Variants in MEI1 observed in about 807,000 individuals in gnomAD.
The protein encoded by MEI1 is meiotic double-stranded break formation protein 1.
MEI1 carries 103 observed loss-of-function variants against 146.2 expected under a neutral mutation model. The ratio of observed to expected loss-of-function variants is 0.70; its 90% CI spans 0.60 to 0.83. The LOEUF is 0.83. MEI1 is among the 40% of genes least tolerant of loss of function. The pLI, the probability that MEI1 is intolerant of heterozygous loss-of-function variation, is 0.00. For synonymous variants in MEI1, 652 were observed against 628.2 expected (o/e 1.04, Z -0.57); for missense variants, 1,529 against 1,533.0 (o/e 1.00, Z 0.04).
chr22:41,723,943 G>A lies in MEI1; in HGVS notation c.734G>A (p.Gly245Asp). ...ACTTCCCAATCCCTTTGTTTCCTAGGTTTGCTGAGGCAGCTGTTGAAGTAT... is the reference window on the plus strand; with the variant it reads ...ACTTCCCAATCCCTTTGTTTCCTAGATTTGCTGAGGCAGCTGTTGAAGTAT... The part of the protein sequence containing the change: ...QTKELQINCL[G>D]LLRQLLKYDL... The change falls in exon 7 of 31, where the codon GGT becomes GAT. Residue 245 changes from glycine to aspartate, a missense_variant and splice_region_variant. Coordinates refer to ENST00000401548, the MANE Select transcript of MEI1 (RefSeq NM_152513.4). 6.3e-7 allele frequency: 1 copy of A among 1,594,974 alleles called. No individual in the cohort carries two copies.
At chr22:41,786,439 C>G (rs966576843) in intron 26 of MEI1, among the ~76,000 whole-genome samples, 1 of 152,234 alleles carries the variant, frequency 6.6e-6, no homozygotes, top group Non-Finnish European at 1.5e-5. Context: ...TCAGGCACAG[C>G]TGGATCCCAG....
At position 41,714,065 on chromosome 22, in the gene MEI1, G is replaced by A; in HGVS notation, c.413G>A (p.Cys138Tyr). Residue 138 changes from cysteine to tyrosine, a missense_variant, in exon 4 of 31, where the codon TGC becomes TAC. Cys to Tyr is a radical substitution (Grantham distance 194). Around this residue, in one of 3 missense-constraint regions of MEI1, gnomAD observed 1,212 missense variants for 1,178.9 expected, o/e 1.03. Coordinates refer to ENST00000401548, the MANE Select transcript of MEI1 (RefSeq NM_152513.4). Reference sequence around the variant, plus strand: ...ACTATCCGTTGCCTGCTGGATGAGTGCCACAAAGAGGTCAGAAAATAGCTA... The same window carrying A: ...ACTATCCGTTGCCTGCTGGATGAGTACCACAAAGAGGTCAGAAAATAGCTA... ...EQTIRCLLDE[C>Y]HKELCNMPSM... 6.3e-7 allele frequency: 1 copy of A among 1,598,228 alleles called. No homozygotes were observed. The highest frequency in any genetic ancestry group is 8.5e-7 in the Non-Finnish European group (1 of 1,172,272).
At chr22:41,726,786 T>G (rs1456491560) in intron 7 of MEI1, among the ~76,000 whole-genome samples, 1 of 152,052 alleles carries the variant, frequency 6.6e-6, no homozygotes, top group Non-Finnish European at 1.5e-5. Flanking sequence ...TTCTTTTTTT[T>G]TTTTTGAGAT....
At chr22:41,730,824 G>T (rs746844132) in intron 9 of MEI1, among the ~76,000 whole-genome samples, 187 bp downstream of exon 9, 2 of 152,092 alleles carry the variant, frequency 1.3e-5, no homozygotes, top group Non-Finnish European at 2.9e-5. Flanking sequence ...TCTGCTGTTC[G>T]CTGATTATCG....
intron 22 of MEI1, among the ~76,000 whole-genome samples, chr22:41,780,268 G>A (rs760573834): frequency 1.9e-4 from 29 of 152,202 alleles, no homozygotes; most frequent in Non-Finnish European, 7.4e-5. Context: ...GAGAGTAGAG[G>A]ACTGTGGTTC....
intron 9 of MEI1, among the ~76,000 whole-genome samples, chr22:41,731,891 T>C (rs1490547193): frequency 6.6e-6 from 1 of 152,174 alleles, no homozygotes; most frequent in Non-Finnish European, 1.5e-5. Context: ...TTCACAGCTC[T>C]GAATGGATCA....
chr22:41,723,254 C>T (rs1025849120), intron 6 of MEI1, among the ~76,000 whole-genome samples: 15 of 151,952 alleles, frequency 9.9e-5, no homozygotes, highest in African/African-American at 3.6e-4. Flanking sequence ...ACTCTGTCAC[C>T]CAGGGTGGAG....
chr22:41,756,144 T>G (rs1173920521), intron 17 of MEI1, among the ~76,000 whole-genome samples: 1 of 152,138 alleles, frequency 6.6e-6, no homozygotes, highest in African/African-American at 2.4e-5. Context: ...GTTTTTTTGT[T>G]TGTTTTGTTT....
At chr22:41,798,061 C>G (rs2076423351) in intron 30 of MEI1, among the ~76,000 whole-genome samples, 1 of 151,810 alleles carries the variant, frequency 6.6e-6, no homozygotes, top group Admixed American at 6.6e-5. Context: ...GTCCTTCCCC[C>G]ATGAGCTTTG....
At chr22:41,764,439 C>A (rs1398389144) in intron 19 of MEI1, among the ~76,000 whole-genome samples, 1 of 152,134 alleles carries the variant, frequency 6.6e-6, no homozygotes, top group African/African-American at 2.4e-5. Flanking sequence ...TACTTGAAAA[C>A]CCATTCACTT....
intron 11 of MEI1, among the ~76,000 whole-genome samples, chr22:41,741,197 G>A (rs2072834642): frequency 6.6e-6 from 1 of 152,176 alleles, no homozygotes; most frequent in Admixed American, 6.5e-5. Context: ...GGCTGTGGGT[G>A]GGACAAGCTT....
In MEI1 at chr22:41,746,012, A is replaced by G. The variant is rs753638726; in HGVS notation, c.1666A>G (p.Ile556Val). The G allele has an allele frequency of 1.9e-6, 3 of 1,603,456 alleles. No individual in the cohort carries two copies. Among genetic ancestry groups the G allele is most frequent in the Non-Finnish European group, 2.6e-6 (3 of 1,174,458 alleles). Reference protein sequence around the residue: ...FLLSACDSLCIPMVMRHLEQT... With the variant: ...FLLSACDSLCVPMVMRHLEQT... ...TCTCAGTGCCTGTGACTCGCTGTGT[A>G]TCCCCATGGTGATGGTGGGTTCTCC... Residue 556 changes from isoleucine (I) to valine (V), a missense_variant, in exon 14 of 31, where the codon ATC becomes GTC. Ile to Val is a conservative substitution (Grantham distance 29). Around this residue, in one of 3 missense-constraint regions of MEI1, gnomAD observed 1,212 missense variants for 1,178.9 expected, o/e 1.03. Coordinates refer to ENST00000401548, the MANE Select transcript of MEI1 (RefSeq NM_152513.4).
At position 41,794,395 on chromosome 22, in the gene MEI1, G is replaced by A. The variant is rs749779829; in HGVS notation, c.3452G>A (p.Trp1151Ter). ...GCTCTCCACGTGGCCTCCCAGCCTT[G>A]GAATCGGTTTTTGCTGTTTACCCTC... ...DIALHVASQP[W>*]NRFLLFTLLD... Residue 1151 changes from tryptophan to a stop codon, truncating the protein, a stop_gained, in exon 28 of 31, where the codon TGG becomes TAG. Coordinates refer to ENST00000401548, the MANE Select transcript of MEI1 (RefSeq NM_152513.4). LOFTEE classifies it high-confidence loss of function. 7 of 1,613,858 alleles carry A rather than the reference G, an allele frequency of 4.3e-6. No homozygotes were observed. The Admixed American group carries it at 8.3e-5, about 19-fold the overall frequency.
intron 30 of MEI1, 124 bp from the exon 31 acceptor site, chr22:41,799,130 C>A (rs897821184): frequency 1.2e-6 from 1 of 816,074 alleles, no homozygotes; most frequent in Non-Finnish European, 2.0e-6. Flanking sequence ...GAATCCATCC[C>A]ACTATTCTCA....
rs771729569 is a variant in MEI1 at position 41,732,567 on chromosome 22, C to T, written c.1295C>T (p.Ala432Val). 7.9e-5 allele frequency: 128 copies of T among 1,613,680 alleles called. No individual in the cohort carries two copies. The highest frequency in any genetic ancestry group is 3.1e-5 in the Non-Finnish European group (37 of 1,179,844). ...EAVSSPVLEV[A>V]AEALKATSAF... ...GTTAGCAGCCCTGTGCTGGAGGTGGCTGCTGAGGCCTTGAAGGCCACTTCT... is the reference window on the plus strand; with the variant it reads ...GTTAGCAGCCCTGTGCTGGAGGTGGTTGCTGAGGCCTTGAAGGCCACTTCT... Residue 432 changes from alanine (A) to valine (V), a missense_variant, in exon 11 of 31, where the codon GCT becomes GTT. Ala to Val is a moderately conservative substitution (Grantham distance 64). Transcript: ENST00000401548.
chr22:41,735,682 A>T (rs373148322), intron 11 of MEI1, among the ~76,000 whole-genome samples: 3 of 152,170 alleles, frequency 2.0e-5, no homozygotes, highest in African/African-American at 7.2e-5. Flanking sequence ...GTTGTTTTGA[A>T]TTTATATCTT....
chr22:41,781,012 G>A (rs1262465608), intron 22 of MEI1, among the ~76,000 whole-genome samples: 3 of 152,220 alleles, frequency 2.0e-5, no homozygotes, highest in African/African-American at 7.2e-5. Context: ...GGAAGGTGGT[G>A]ACGATGTTCA....
Position 41,778,779 on chromosome 22 carries a change from C to T in MEI1, c.2782C>T (p.Leu928=), listed in dbSNP as rs777208934. ...MQLRNVSEQE[L]DSVAMKLLHQ... is the part of the protein sequence containing the mutation. ...GCTCAGGAATGTGTCAGAGCAAGAACTGGACAGCGTGGCCATGAAGCTCCT... is the reference window on the plus strand; with the variant it reads ...GCTCAGGAATGTGTCAGAGCAAGAATTGGACAGCGTGGCCATGAAGCTCCT... The change falls in exon 22 of 31, where the codon CTG becomes TTG. Residue 928 remains leucine (L), a synonymous_variant. Coordinates refer to ENST00000401548, the MANE Select transcript of MEI1 (RefSeq NM_152513.4). 4 of 1,608,112 alleles carry T rather than the reference C, an allele frequency of 2.5e-6. No homozygotes were observed. The highest frequency in any genetic ancestry group is 3.4e-6 in the Non-Finnish European group (4 of 1,177,378).
At chr22:41,740,329 T>C (rs1335775075) in intron 11 of MEI1, among the ~76,000 whole-genome samples, 1 of 152,124 alleles carries the variant, frequency 6.6e-6, no homozygotes, top group Non-Finnish European at 1.5e-5. Flanking sequence ...AAGATGATTT[T>C]ACTTTTGACT....
Sources: allele counts gnomAD v4.1 joint callset (sites outside exome capture counted in the v4.1 genomes callset), GRCh38; gene constraint gnomAD v4.1.1; regional missense constraint gnomAD v4.1.1; transcripts MANE v1.5; gene names NCBI Gene and HGNC (gene_info 2026-07-23, HGNC 2026-07-21).